Variants in ZNF469 observed in about 807,000 individuals in gnomAD.
The protein encoded by ZNF469 is zinc finger protein 469.
ZNF469 carries 1 observed loss-of-function variant against 1.0 expected under a neutral mutation model. The ratio of observed to expected loss-of-function variants is 1.00; its 90% CI spans 0.35 to 4.73. ZNF469 has a LOEUF of 4.73. ZNF469 is among the 30% of genes most tolerant of loss of function. The pLI is 0.16. For synonymous variants in ZNF469, 2,703 were observed against 2,363.4 expected (o/e 1.14, Z -4.17); for missense variants, 6,100 against 5,356.3 (o/e 1.14, Z -4.33).
At chr16:88,326,623 G>A in the ZNF469 span, among the ~76,000 whole-genome samples, 23 of 152,262 alleles carry the variant, frequency 1.5e-4, no homozygotes, top group Non-Finnish European at 3.1e-4. Context: ...ACCTCACATG[G>A]AGGTCAGGAC....
Position 88,427,428 on chromosome 16 carries a change from C to G in ZNF469, c.-43C>G. The G allele has an allele frequency of 6.9e-7, 1 of 1,447,426 alleles. No homozygotes were observed. Among genetic ancestry groups the G allele is most frequent in the Non-Finnish European group, 9.1e-7 (1 of 1,102,716 alleles). 89.7% of individuals were successfully genotyped at this position (1,447,426 alleles called of 1,614,324 possible). On this transcript the variant is annotated 5_prime_UTR_variant, in exon 3 of 3. Coordinates refer to ENST00000565624, the MANE Select transcript of ZNF469 (RefSeq NM_001367624.2). ...CCGTCCAGCCCACTCCCCAGGGCCCCCCTCGGACAGCTGCGTCGTCCTAGC... is the reference window on the plus strand; with the variant it reads ...CCGTCCAGCCCACTCCCCAGGGCCCGCCTCGGACAGCTGCGTCGTCCTAGC...
the ZNF469 span, among the ~76,000 whole-genome samples, chr16:88,137,673 G>T: frequency 6.6e-6 from 1 of 152,254 alleles, no homozygotes; most frequent in African/African-American, 2.4e-5. Flanking sequence ...GCCTGTAACT[G>T]TGTGTGTATA....
At chr16:88,275,770 G>A in the ZNF469 span, among the ~76,000 whole-genome samples, 1 of 152,220 alleles carries the variant, frequency 6.6e-6, no homozygotes, top group Non-Finnish European at 1.5e-5. Context: ...GGAAGGAAGT[G>A]TGGGGCTGGC....
chr16:88,295,045 C>G, the ZNF469 span, among the ~76,000 whole-genome samples: 1 of 141,246 alleles, frequency 7.1e-6, no homozygotes, highest in Admixed American at 7.0e-5. Context: ...TCTCGGGCCC[C>G]CAGGATGTGG....
the ZNF469 span, among the ~76,000 whole-genome samples, chr16:88,247,681 C>CTGAATGAGTGAGTGAGTGAG: frequency 6.9e-6 from 1 of 145,066 alleles, no homozygotes; most frequent in Non-Finnish European, 1.5e-5. Context: ...TCGTGAATGA[C>CTGAATGAGTGAGTGAGTGAG]TGAATGAGTG....
chr16:88,292,812 A>AC, the ZNF469 span, among the ~76,000 whole-genome samples: 1 of 151,488 alleles, frequency 6.6e-6, no homozygotes, highest in Non-Finnish European at 1.5e-5. Context: ...AAAAAAAAAA[A>AC]AAAAAAACCT....
chr16:88,147,759 T>C, the ZNF469 span, among the ~76,000 whole-genome samples: 1 of 152,132 alleles, frequency 6.6e-6, no homozygotes, highest in Admixed American at 6.5e-5. Flanking sequence ...ACTGGCCTCC[T>C]GGTCATCACA....
the ZNF469 span, among the ~76,000 whole-genome samples, chr16:88,185,399 A>G: frequency 2.6e-5 from 4 of 151,222 alleles, no homozygotes; most frequent in South Asian, 6.3e-4. Flanking sequence ...ACACACACAC[A>G]TTTGCACTTA....
At chr16:88,122,226 C>T in the ZNF469 span, among the ~76,000 whole-genome samples, 14 of 146,958 alleles carry the variant, frequency 9.5e-5, no homozygotes, top group African/African-American at 2.2e-4. Context: ...CCACTGTGAT[C>T]GCAACCTGTC....
chr16:88,220,288 A>G, the ZNF469 span, among the ~76,000 whole-genome samples: 1 of 152,192 alleles, frequency 6.6e-6, no homozygotes, highest in South Asian at 2.1e-4. Context: ...GCGAGATTGG[A>G]AGATACCCAG....
the ZNF469 span, among the ~76,000 whole-genome samples, chr16:88,369,835 G>A: frequency 3.3e-5 from 5 of 152,076 alleles, no homozygotes; most frequent in African/African-American, 7.2e-5. Flanking sequence ...CCCAGCTTCC[G>A]GGGACAGTGA....
At chr16:88,168,758 CCTT>C in the ZNF469 span, among the ~76,000 whole-genome samples, 1 of 152,188 alleles carries the variant, frequency 6.6e-6, no homozygotes, top group South Asian at 2.1e-4. This position sits in a 1 kb window ranked among gnomAD's most constrained non-coding sequence, Gnocchi z 4.3. Context: ...CCGTGGCAGG[CCTT>C]CTGCAGAGCA....
chr16:88,119,327 A>T, the ZNF469 span, among the ~76,000 whole-genome samples: 1 of 152,200 alleles, frequency 6.6e-6, no homozygotes, highest in African/African-American at 2.4e-5. Flanking sequence ...TCTTCCTTAA[A>T]GCCACATCCC....
Position 88,429,522 on chromosome 16 carries a change from C to T in ZNF469, c.2052C>T (p.Cys684=), listed in dbSNP as rs1376022552. The T allele has an allele frequency of 6.5e-7, 1 of 1,549,636 alleles. No homozygotes were observed. ...DGLGAEGAFQ[C]LEETPFPHEG... is the part of the protein sequence containing the mutation. ...TGGGAGCCGAGGGTGCCTTCCAGTG[C>T]CTGGAGGAGACCCCATTCCCCCACG... The change falls in exon 3 of 3, where the codon TGC becomes TGT. Residue 684 remains cysteine, a synonymous_variant. Transcript: ENST00000565624.
the ZNF469 span, among the ~76,000 whole-genome samples, chr16:88,334,587 G>A: frequency 1.3e-5 from 2 of 152,246 alleles, no homozygotes; most frequent in African/African-American, 4.8e-5. Flanking sequence ...GTCCCAGAAG[G>A]TTCAAAAGGT....
chr16:88,214,869 T>C, the ZNF469 span, among the ~76,000 whole-genome samples: 1 of 152,222 alleles, frequency 6.6e-6, no homozygotes, highest in East Asian at 1.9e-4. Flanking sequence ...TTGCATGGTG[T>C]GTATGTGCCA....
At chr16:88,328,433 C>A in the ZNF469 span, among the ~76,000 whole-genome samples, 1 of 152,174 alleles carries the variant, frequency 6.6e-6, no homozygotes, top group Middle Eastern at 3.2e-3. Context: ...AACGCCATGG[C>A]AGTTCTCAGC....
chr16:88,307,665 C>T, the ZNF469 span, among the ~76,000 whole-genome samples: 33 of 152,290 alleles, frequency 2.2e-4, no homozygotes, highest in African/African-American at 7.2e-4. Flanking sequence ...TCTACTCAGA[C>T]CCTTCACCCC....
the ZNF469 span, among the ~76,000 whole-genome samples, chr16:88,171,060 A>T: frequency 2.0e-5 from 3 of 152,248 alleles, no homozygotes; most frequent in African/African-American, 7.2e-5. Context: ...TTTTAAATAT[A>T]CATTTATCTA....
Sources: gnomAD v4.1 joint callset for allele counts (sites outside exome capture counted in the v4.1 genomes callset) on GRCh38, gnomAD v4.1.1 for gene constraint, Gnocchi (gnomAD v3.1) non-coding constraint, MANE v1.5 for transcripts, NCBI Gene and HGNC (gene_info 2026-07-23, HGNC 2026-07-21) for gene names.